The following IL1RAPL2 variants were observed in gnomAD, a reference collection of about 807,000 sequenced individuals.
IL1RAPL2 encodes the protein X-linked interleukin-1 receptor accessory protein-like 2.
A neutral mutation model predicts 44.1 loss-of-function variants in IL1RAPL2; 3 were observed. That is an observed-to-expected ratio of 0.07 (90% CI 0.03 to 0.18). The LOEUF (loss-of-function observed/expected upper bound fraction) is 0.18. Ranked by LOEUF, IL1RAPL2 falls within the 10% of genes least tolerant of loss-of-function variation. The pLI is 1.00. For synonymous variants in IL1RAPL2, 181 were observed against 178.8 expected (o/e 1.01, Z -0.10); for missense variants, 391 against 496.4 (o/e 0.79, Z 2.02).
intron 5 of IL1RAPL2, among the ~76,000 whole-genome samples, chrX:105,410,912 G>T (rs747286580): frequency 8.9e-6 from 1 of 111,783 alleles, no homozygotes; most frequent in African/African-American, 3.2e-5. Context: ...AAGTATTTCA[G>T]TCCTCTAGTA....
At chrX:104,865,171 A>G (rs1335386438) in intron 2 of IL1RAPL2, among the ~76,000 whole-genome samples, 1 of 111,582 alleles carries the variant, frequency 9.0e-6, no homozygotes, top group Admixed American at 9.5e-5. Flanking sequence ...GAAATCAAAA[A>G]CAATATCGCA....
chrX:105,153,878 G>A (rs781173021), intron 2 of IL1RAPL2, among the ~76,000 whole-genome samples: 1 of 111,217 alleles, frequency 9.0e-6, no homozygotes, highest in East Asian at 2.9e-4. Context: ...AGAGAGAATA[G>A]ATGGTGATTT....
chrX:105,124,474 A>G (rs1369603152), intron 2 of IL1RAPL2, among the ~76,000 whole-genome samples: 1 of 110,475 alleles, frequency 9.1e-6, no homozygotes, highest in African/African-American at 3.3e-5. Flanking sequence ...ATATATGCCT[A>G]TTTATAGGCT....
chrX:105,133,552 C>A (rs1004724521), intron 2 of IL1RAPL2, among the ~76,000 whole-genome samples: 1 of 111,871 alleles, frequency 8.9e-6, no homozygotes, highest in Non-Finnish European at 1.9e-5. Context: ...ACAGAACCAA[C>A]AATAACAATA....
At chrX:105,208,609 G>T (rs1337576618) in intron 3 of IL1RAPL2, among the ~76,000 whole-genome samples, 1 of 111,220 alleles carries the variant, frequency 9.0e-6, no homozygotes, top group Non-Finnish European at 1.9e-5. Flanking sequence ...TTTCCACCTT[G>T]GGGCCTTGAT....
chrX:104,856,140 C>T, intron 2 of IL1RAPL2, among the ~76,000 whole-genome samples: 1 of 111,693 alleles, frequency 9.0e-6, no homozygotes, highest in Non-Finnish European at 1.9e-5. Flanking sequence ...TCTGTTCCTC[C>T]ACCACATCAT....
At chrX:105,470,633 T>C (rs1455664860) in intron 5 of IL1RAPL2, among the ~76,000 whole-genome samples, 1 of 112,141 alleles carries the variant, frequency 8.9e-6, no homozygotes, top group African/African-American at 3.2e-5. Context: ...CAGTGACTTA[T>C]GCTGAGTGTA....
chrX:105,035,425 C>T (rs1768246460), intron 2 of IL1RAPL2, among the ~76,000 whole-genome samples: 1 of 112,212 alleles, frequency 8.9e-6, no homozygotes, highest in Admixed American at 9.4e-5. Context: ...ACTACATTCA[C>T]CAGTGTGTTC....
chrX:104,752,244 ATGT>A (rs2065414092), intron 2 of IL1RAPL2, among the ~76,000 whole-genome samples: 1 of 109,107 alleles, frequency 9.2e-6, no homozygotes, highest in East Asian at 2.9e-4. Flanking sequence ...ATTTAAAATA[ATGT>A]TGTTTTGGTG....
intron 6 of IL1RAPL2, among the ~76,000 whole-genome samples, chrX:105,696,054 T>C (rs2038074032): frequency 8.9e-6 from 1 of 112,229 alleles, no homozygotes; most frequent in African/African-American, 3.2e-5. Flanking sequence ...ATCCTGACTC[T>C]GCTCTGGAAA....
chrX:105,634,348 C>T (rs774820455), intron 6 of IL1RAPL2, among the ~76,000 whole-genome samples: 2 of 111,039 alleles, frequency 1.8e-5, no homozygotes, highest in Non-Finnish European at 3.8e-5. Flanking sequence ...AAACAATTTG[C>T]CATGAGAAAC....
intron 2 of IL1RAPL2, among the ~76,000 whole-genome samples, chrX:104,796,934 C>A (rs1184739596): frequency 9.1e-6 from 1 of 110,456 alleles, no homozygotes; most frequent in Non-Finnish European, 1.9e-5. Context: ...CCACCCCCAG[C>A]TAAATTTTGT....
At chrX:104,768,209 T>A (rs946466993) in intron 2 of IL1RAPL2, among the ~76,000 whole-genome samples, 1 of 111,502 alleles carries the variant, frequency 9.0e-6, no homozygotes, top group Admixed American at 9.5e-5. Context: ...TTATAAAGTA[T>A]ACATACCTGG....
At chrX:105,379,556 A>T (rs1468809828) in intron 5 of IL1RAPL2, among the ~76,000 whole-genome samples, 1 of 111,641 alleles carries the variant, frequency 9.0e-6, no homozygotes, top group Non-Finnish European at 1.9e-5. Flanking sequence ...AATCCAGGAT[A>T]TGAGGGTATG....
rs1397302812 is a variant in IL1RAPL2, at chrX:105,085,790, G to A, written c.83-109685G>A. Among the ~76,000 whole-genome samples, 6 of 111,917 alleles carry A rather than the reference G, an allele frequency of 5.4e-5. 1 individual carries two copies. In the East Asian group the frequency reaches 1.1e-3, roughly 21 times the overall value. On this transcript the variant is annotated intron_variant, in intron 2 of 10. Coordinates refer to ENST00000372582, the MANE Select transcript of IL1RAPL2 (RefSeq NM_017416.2). ...TGCTACTAATAGCTTTCTGTTTACT[G>A]GAAGCCTTACTGATAACATAGTTGT...
chrX:104,771,483 T>C (rs1032434841), intron 2 of IL1RAPL2, among the ~76,000 whole-genome samples: 1 of 112,441 alleles, frequency 8.9e-6, no homozygotes, highest in African/African-American at 3.2e-5. Context: ...TTAGATAAGG[T>C]GTGAGAGGTA....
intron 2 of IL1RAPL2, among the ~76,000 whole-genome samples, chrX:104,796,179 G>C (rs1932848685): frequency 8.9e-6 from 1 of 112,278 alleles, no homozygotes; most frequent in African/African-American, 3.2e-5. Flanking sequence ...TATAAAATGA[G>C]GGTGTAACTA....
intron 2 of IL1RAPL2, among the ~76,000 whole-genome samples, chrX:104,930,472 CTG>C (rs1441411537): frequency 6.3e-5 from 7 of 111,592 alleles, no homozygotes; most frequent in Admixed American, 9.6e-5. Flanking sequence ...GTGATAGGCA[CTG>C]TGTCAAGAAC....
chrX:105,316,249 G>C (rs2034840263), intron 5 of IL1RAPL2, among the ~76,000 whole-genome samples: 1 of 111,124 alleles, frequency 9.0e-6, no homozygotes, highest in Admixed American at 9.6e-5. Flanking sequence ...ACTCCAGCCT[G>C]GGTGACAGAG....
Sources: allele counts gnomAD v4.1 joint callset (sites outside exome capture counted in the v4.1 genomes callset), GRCh38; gene constraint gnomAD v4.1.1; transcripts MANE v1.5; gene names NCBI Gene and HGNC (gene_info 2026-07-23, HGNC 2026-07-21).